Variants in RETREG1 observed in about 807,000 individuals in gnomAD.
The protein encoded by RETREG1 is family with sequence similarity 134 member B.
A neutral mutation model predicts 54.8 loss-of-function variants in RETREG1; 44 were observed. The observed-to-expected ratio is 0.80, with a 90% CI of 0.63 to 1.03. The LOEUF (loss-of-function observed/expected upper bound fraction) is 1.03, where lower values mean the gene tolerates loss of function less well. RETREG1 is among the 50% of genes least tolerant of loss of function. The pLI, the probability that RETREG1 is intolerant of heterozygous loss-of-function variation, is 0.00. For missense variants in RETREG1, 554 were observed against 605.1 expected (o/e 0.92, Z 0.89); for synonymous variants, 217 against 238.5 (o/e 0.91, Z 0.83).
chr5:16,616,863 G>C lies in RETREG1; in HGVS notation c.109C>G (p.Arg37Gly), dbSNP rs1743532044. 6.6e-7 allele frequency: 1 copy of C among 1,505,804 alleles called. No homozygotes were observed. Among genetic ancestry groups the C allele is most frequent in the African/African-American group, 1.4e-5 (1 of 68,998 alleles). 93.3% of individuals were successfully genotyped at this position (1,505,804 alleles called of 1,614,324 possible). The change falls in exon 1 of 9, where the codon CGG becomes GGG. Residue 37 changes from arginine to glycine, a missense_variant. Coordinates refer to ENST00000306320, the MANE Select transcript of RETREG1 (RefSeq NM_001034850.3). ...TGCGCTTCCTCCTCCTGCTGCTGCCGCTCTGCGGGGGATGCCTGGGGCGGT... is the reference window on the plus strand; with the variant it reads ...TGCGCTTCCTCCTCCTGCTGCTGCCCCTCTGCGGGGGATGCCTGGGGCGGT... ...PPPPQASPAE[R>G]QQQEEEAQEA... is the part of the protein sequence containing the mutation.
Position 16,513,943 on chromosome 5 carries a change from T to A in RETREG1, c.459-30471A>T, listed in dbSNP as rs74943301. On this transcript the variant is annotated intron_variant, in intron 3 of 8. Coordinates refer to ENST00000306320, the MANE Select transcript of RETREG1 (RefSeq NM_001034850.3). ...CTATTCTGACAGCACTTTCTTTTTT[T>A]AAAAATTCATATTGTGTTTAATATC... Among the ~76,000 whole-genome samples, 1,219 of 152,330 alleles carry A rather than the reference T, an allele frequency of 8.0e-3. 16 individuals are homozygous for A. The highest frequency in any genetic ancestry group is 0.025 in the African/African-American group (1,030 of 41,558).
intron 3 of RETREG1, among the ~76,000 whole-genome samples, chr5:16,522,709 T>C (rs1353435438): frequency 6.6e-6 from 1 of 152,162 alleles, no homozygotes. Flanking sequence ...TAACTTTTTT[T>C]GAAATAATAT....
chr5:16,590,649 T>C (rs1742738613), intron 1 of RETREG1, among the ~76,000 whole-genome samples: 1 of 152,214 alleles, frequency 6.6e-6, no homozygotes, highest in African/African-American at 2.4e-5. Flanking sequence ...GCCTCGTTGT[T>C]ATTTTGTGAA....
chr5:16,562,271 C>T (rs555116232), intron 3 of RETREG1, among the ~76,000 whole-genome samples: 31 of 152,218 alleles, frequency 2.0e-4, no homozygotes, highest in Non-Finnish European at 3.8e-4. Context: ...GCTGAGATCG[C>T]GCCATTGCAC....
At chr5:16,544,437 A>G (rs1023357696) in intron 3 of RETREG1, among the ~76,000 whole-genome samples, 1 of 152,192 alleles carries the variant, frequency 6.6e-6, no homozygotes, top group Admixed American at 6.5e-5. Flanking sequence ...AGTCCAATCT[A>G]TCAAATTTTT....
chr5:16,528,616 G>C (rs577846567), intron 3 of RETREG1, among the ~76,000 whole-genome samples: 3 of 152,196 alleles, frequency 2.0e-5, no homozygotes, highest in Non-Finnish European at 4.4e-5. Context: ...AAAGCCAAGA[G>C]GGTTTCCCAG....
At chr5:16,502,637 G>C (rs1739763450) in intron 3 of RETREG1, among the ~76,000 whole-genome samples, 2 of 152,198 alleles carry the variant, frequency 1.3e-5, no homozygotes, top group Non-Finnish European at 2.9e-5. Flanking sequence ...CAGTATAACA[G>C]TATTTTTTCG....
At position 16,581,557 on chromosome 5, in the gene RETREG1, AC is replaced by A. The variant is rs70940381; in HGVS notation, c.321-9456del. ...CACACACACACACACACACACACAC[AC>A]ACACACAAAACACACACACAGGACC... On this transcript the variant is annotated intron_variant, in intron 1 of 8. Coordinates refer to ENST00000306320, the MANE Select transcript of RETREG1 (RefSeq NM_001034850.3). Among the ~76,000 whole-genome samples, 182 of 146,652 alleles carry A rather than the reference AC, an allele frequency of 1.2e-3. 1 individual carries two copies. Among genetic ancestry groups the A allele is most frequent in the African/African-American group, 4.2e-3 (166 of 39,668 alleles).
chr5:16,513,126 G>A (rs1202628062), intron 3 of RETREG1, among the ~76,000 whole-genome samples: 2 of 152,160 alleles, frequency 1.3e-5, no homozygotes, highest in Admixed American at 6.5e-5. Context: ...CTGTAGGAAG[G>A]CCTCAGGTGT....
chr5:16,504,926 T>C (rs1739889462), intron 3 of RETREG1, among the ~76,000 whole-genome samples: 1 of 152,206 alleles, frequency 6.6e-6, no homozygotes, highest in Non-Finnish European at 1.5e-5. Flanking sequence ...ATAGGCTTTG[T>C]CAACAATGTA....
intron 1 of RETREG1, among the ~76,000 whole-genome samples, chr5:16,601,165 G>C (rs1743042241): frequency 6.6e-6 from 1 of 152,054 alleles, no homozygotes; most frequent in Non-Finnish European, 1.5e-5. Flanking sequence ...CCGGGAGTTA[G>C]AGACCAGCCT....
At chr5:16,547,947 G>A (rs929539715) in intron 3 of RETREG1, among the ~76,000 whole-genome samples, 5 of 152,046 alleles carry the variant, frequency 3.3e-5, no homozygotes, top group Admixed American at 2.0e-4. Flanking sequence ...TTAGAAGAAC[G>A]TATTTAAAGT....
intron 1 of RETREG1, among the ~76,000 whole-genome samples, chr5:16,615,399 CAAAAAA>C (rs35626131): frequency 1.1e-5 from 1 of 92,852 alleles, no homozygotes; most frequent in Non-Finnish European, 2.2e-5. Context: ...GACTCCATCT[CAAAAAA>C]AAAAAAAAAA....
In RETREG1 at chr5:16,571,907, G is replaced by A. The variant is rs1367455044; in HGVS notation, c.427+89C>T. On this transcript the variant is annotated intron_variant, in intron 2 of 8. Coordinates refer to ENST00000306320, the MANE Select transcript of RETREG1 (RefSeq NM_001034850.3). ...TGCCTATATTTGCTTCTGTTCAAAGGACTAATTGGCTAATATGCCTACACA... is the reference window on the plus strand; with the variant it reads ...TGCCTATATTTGCTTCTGTTCAAAGAACTAATTGGCTAATATGCCTACACA... The A allele has an allele frequency of 7.6e-6, 7 of 915,218 alleles. No homozygotes were observed. In the East Asian group the frequency reaches 1.8e-4, roughly 24 times the overall value. 56.7% of individuals were successfully genotyped at this position (915,218 alleles called of 1,614,324 possible). A position where few individuals can be genotyped will look rare whatever the true frequency, so the allele number is the denominator to read the frequency against.
At chr5:16,540,884 G>A (rs890542132) in intron 3 of RETREG1, among the ~76,000 whole-genome samples, 1 of 152,306 alleles carries the variant, frequency 6.6e-6, no homozygotes, top group South Asian at 2.1e-4. Context: ...GGGGACCGGG[G>A]AGTAGAATTG....
chr5:16,573,467 G>A (rs57491481), intron 1 of RETREG1, among the ~76,000 whole-genome samples: 4 of 152,108 alleles, frequency 2.6e-5, no homozygotes, highest in African/African-American at 9.7e-5. Flanking sequence ...GATAGAATCA[G>A]AACTCATAGA....
chr5:16,589,008 C>G (rs529152608), intron 1 of RETREG1, among the ~76,000 whole-genome samples: 4 of 152,308 alleles, frequency 2.6e-5, no homozygotes, highest in South Asian at 4.1e-4. Flanking sequence ...GCAAAGCTGA[C>G]CCGGGTCACT....
intron 3 of RETREG1, among the ~76,000 whole-genome samples, chr5:16,527,004 G>A (rs1740734173): frequency 6.6e-6 from 1 of 152,244 alleles, no homozygotes; most frequent in Admixed American, 6.5e-5. Context: ...CCTCCTCGTG[G>A]CAATTTGGGA....
intron 3 of RETREG1, among the ~76,000 whole-genome samples, chr5:16,522,702 C>CT (rs1274473349): frequency 1.3e-5 from 2 of 152,112 alleles, no homozygotes; most frequent in East Asian, 1.9e-4. Context: ...ATTTTAATAA[C>CT]TTTTTTTGAA....
Sources: gnomAD v4.1 joint callset for allele counts (sites outside exome capture counted in the v4.1 genomes callset) on GRCh38, gnomAD v4.1.1 for gene constraint, MANE v1.5 for transcripts, NCBI Gene and HGNC (gene_info 2026-07-23, HGNC 2026-07-21) for gene names.